The following MAGI2 variants were observed in gnomAD, a reference collection of about 807,000 sequenced individuals.
MAGI2 encodes the protein membrane associated guanylate kinase, WW and PDZ domain containing 2.
In MAGI2, 35 loss-of-function variants were observed where a neutral mutation model predicts 133.3. The observed-to-expected ratio is 0.26, with a 90% CI of 0.20 to 0.35. MAGI2 has a LOEUF of 0.35. MAGI2 is among the 10% of genes least tolerant of loss of function. The pLI, the probability that MAGI2 is intolerant of heterozygous loss-of-function variation, is 1.00. For synonymous variants in MAGI2, 729 were observed against 710.6 expected, an observed-to-expected ratio of 1.03 and a Z score of -0.41; for missense variants, 1,636 against 1,863.4, an observed-to-expected ratio of 0.88 and a Z score of 2.25.
intron 2 of MAGI2, among the ~76,000 whole-genome samples, chr7:78,997,743 A>C (rs1806457555): frequency 6.6e-6 from 1 of 152,230 alleles, no homozygotes; most frequent in East Asian, 1.9e-4. Flanking sequence ...CTGTGCTCTA[A>C]AGTCCTTGAT....
chr7:78,759,571 T>C (rs1824281170), intron 2 of MAGI2, among the ~76,000 whole-genome samples: 1 of 152,210 alleles, frequency 6.6e-6, no homozygotes, highest in Admixed American at 6.5e-5. Flanking sequence ...AATGTGACAA[T>C]GTTCATTTCA....
chr7:79,240,619 T>A (rs908843362), intron 1 of MAGI2, among the ~76,000 whole-genome samples: 3 of 152,160 alleles, frequency 2.0e-5, no homozygotes, highest in Non-Finnish European at 4.4e-5. Flanking sequence ...TTGATATGAA[T>A]CTGTTAAATT....
chr7:79,333,693 A>T (rs1191291134), intron 1 of MAGI2, among the ~76,000 whole-genome samples: 1 of 152,186 alleles, frequency 6.6e-6, no homozygotes, highest in African/African-American at 2.4e-5. Flanking sequence ...CATAAAGGTG[A>T]TTTTATTGAA....
At chr7:78,683,795 TG>T (rs1815960811) in intron 2 of MAGI2, among the ~76,000 whole-genome samples, 4 of 152,160 alleles carry the variant, frequency 2.6e-5, no homozygotes, top group Admixed American at 2.6e-4. Context: ...GTGTCTTTGT[TG>T]GGGCTGTTAC....
At chr7:78,426,625 T>TA (rs111685886) in intron 6 of MAGI2, among the ~76,000 whole-genome samples, 68 of 150,598 alleles carry the variant, frequency 4.5e-4, no homozygotes, top group African/African-American at 9.5e-4. Flanking sequence ...ATAAATTAAT[T>TA]AAAAAAAAAG....
chr7:78,129,272 G>A (rs547688613), intron 18 of MAGI2, among the ~76,000 whole-genome samples: 12 of 152,256 alleles, frequency 7.9e-5, no homozygotes, highest in Admixed American at 3.9e-4. Context: ...ACCCAGTGTC[G>A]TGTGTCAGGA....
chr7:78,426,399 C>T (rs62468798), intron 6 of MAGI2, among the ~76,000 whole-genome samples: 3 of 151,836 alleles, frequency 2.0e-5, no homozygotes, highest in South Asian at 4.1e-4. Flanking sequence ...TAGGTGGGAA[C>T]TGAACAATGG....
intron 3 of MAGI2, among the ~76,000 whole-genome samples, chr7:78,554,963 T>C (rs907555929): frequency 6.6e-6 from 1 of 151,754 alleles, no homozygotes; most frequent in Non-Finnish European, 1.5e-5. Context: ...CTGGGCAAGA[T>C]GGTGAAACCT....
intron 2 of MAGI2, among the ~76,000 whole-genome samples, chr7:78,839,620 AG>A (rs1325979104): frequency 6.6e-6 from 1 of 152,042 alleles, no homozygotes; most frequent in Non-Finnish European, 1.5e-5. Context: ...AGGAGAGAGA[AG>A]AACAAAGGAG....
At chr7:78,937,834 A>G (rs1294385247) in intron 2 of MAGI2, among the ~76,000 whole-genome samples, 2 of 152,134 alleles carry the variant, frequency 1.3e-5, no homozygotes, top group African/African-American at 2.4e-5. Flanking sequence ...GGAGCTAGTA[A>G]AAGGATTAAC....
At chr7:79,260,894 C>T (rs1834040191) in intron 1 of MAGI2, among the ~76,000 whole-genome samples, 1 of 152,162 alleles carries the variant, frequency 6.6e-6, no homozygotes, top group Non-Finnish European at 1.5e-5. Context: ...ATAAGAAATA[C>T]TCAGCTGGTA....
intron 9 of MAGI2, among the ~76,000 whole-genome samples, chr7:78,320,316 C>A (rs556862524): frequency 2.6e-5 from 4 of 152,068 alleles, no homozygotes; most frequent in African/African-American, 9.6e-5. Flanking sequence ...GAGACACACA[C>A]AAAAAAAGGA....
chr7:79,214,442 T>TATATATATAA (rs1374232866), intron 1 of MAGI2, among the ~76,000 whole-genome samples: 42 of 110,610 alleles, frequency 3.8e-4, no homozygotes, highest in Non-Finnish European at 6.6e-4. Context: ...TATATATATA[T>TATATATATAA]AAATATGCAC....
At chr7:79,122,479 A>G (rs1819990648) in intron 1 of MAGI2, among the ~76,000 whole-genome samples, 1 of 152,190 alleles carries the variant, frequency 6.6e-6, no homozygotes, top group Admixed American at 6.5e-5. Context: ...TAAAAAGGAA[A>G]TGAGTCATTA....
intron 2 of MAGI2, among the ~76,000 whole-genome samples, chr7:78,781,374 G>A (rs533555922): frequency 6.4e-5 from 6 of 93,944 alleles, no homozygotes; most frequent in Admixed American, 1.3e-4. Context: ...GTGAGACTCC[G>A]TCTCACAAAA....
chr7:79,441,733 T>G (rs1349300788), intron 1 of MAGI2, among the ~76,000 whole-genome samples: 1 of 152,134 alleles, frequency 6.6e-6, no homozygotes, highest in Non-Finnish European at 1.5e-5. Flanking sequence ...CACTTAAACT[T>G]AGTTTTAGTT....
intron 2 of MAGI2, among the ~76,000 whole-genome samples, chr7:78,821,716 CAA>C (rs1318957328): frequency 2.0e-5 from 3 of 151,732 alleles, no homozygotes; most frequent in Non-Finnish European, 4.4e-5. Context: ...TCTCTAATGT[CAA>C]ACAGTTATTC....
chr7:79,229,109 A>G (rs1275268709), intron 1 of MAGI2, among the ~76,000 whole-genome samples: 4 of 151,570 alleles, frequency 2.6e-5, no homozygotes. Context: ...GCCAAAAATA[A>G]GACTTAATTC....
chr7:78,190,395 A>G (rs1196577417), intron 12 of MAGI2, among the ~76,000 whole-genome samples: 1 of 152,358 alleles, frequency 6.6e-6, no homozygotes, highest in Admixed American at 6.5e-5. Flanking sequence ...GTGTACATTT[A>G]GAGATATGCT....
Sources: allele counts gnomAD v4.1 joint callset (sites outside exome capture counted in the v4.1 genomes callset), GRCh38; gene constraint gnomAD v4.1.1; transcripts MANE v1.5; gene names NCBI Gene and HGNC (gene_info 2026-07-23, HGNC 2026-07-21).